The following RBM24 variants were observed in gnomAD, a reference collection of about 807,000 sequenced individuals.
RBM24 encodes RNA binding motif protein 24, also known as RNA-binding protein 24.
RBM24 carries 5 observed loss-of-function variants against 23.6 expected under a neutral mutation model. The observed-to-expected ratio is 0.21, with a 90% CI of 0.11 to 0.45. RBM24 has a LOEUF of 0.45. Ranked by LOEUF, RBM24 falls within the 20% of genes least tolerant of loss-of-function variation. The pLI is 0.99. For missense variants in RBM24, 252 were observed against 314.6 expected (o/e 0.80, Z 1.51); for synonymous variants, 151 against 129.5 (o/e 1.17, Z -1.13).
Position 17,292,158 on chromosome 6 carries a change from C to G in RBM24, c.*39C>G. The G allele has an allele frequency of 6.9e-7, 1 of 1,458,410 alleles. No individual in the cohort carries two copies. The highest frequency in any genetic ancestry group is 9.0e-7 in the Non-Finnish European group (1 of 1,106,672). 90.3% of individuals were successfully genotyped at this position (1,458,410 alleles called of 1,614,324 possible). On this transcript the variant is annotated 3_prime_UTR_variant, in exon 4 of 4. Transcript: ENST00000379052. The stretch of plus-strand genomic sequence containing the variant: ...TCAAAGTTGAATTGTTTTCTCTTTC[C>G]CTCCCAATTTTCCAATTTTTAGTAG...
chr6:17,286,839 G>A (rs180777613), intron 3 of RBM24, among the ~76,000 whole-genome samples: 200 of 152,310 alleles, frequency 1.3e-3, no homozygotes, highest in African/African-American at 4.4e-3. Context: ...TCTAAGGTGG[G>A]TCTTGAGAGC....
At chr6:17,282,775 T>A (rs756333760) in intron 1 of RBM24, 30 bp from the exon 2 acceptor site, 16 of 1,613,472 alleles carry the variant, frequency 9.9e-6, no homozygotes, top group Non-Finnish European at 1.3e-5. Context: ...AGAGGTTATG[T>A]ATGTATGTCT....
rs1434402227 is a variant in RBM24, at chr6:17,292,258, AT to A, written c.*147del. ...CATGCTATTGTGAAGCAGAGTTATT[AT>A]TTTTTTTATACTCCAGGTAGTGTTC... On this transcript the variant is annotated 3_prime_UTR_variant, in exon 4 of 4. Coordinates refer to ENST00000379052, the MANE Select transcript of RBM24 (RefSeq NM_001143942.2). The A allele has an allele frequency of 2.7e-4, 214 of 794,856 alleles. No homozygotes were observed. The highest frequency in any genetic ancestry group is 2.9e-4 in the Non-Finnish European group (160 of 543,300). 49.2% of individuals were successfully genotyped at this position (794,856 alleles called of 1,614,324 possible). A position where few individuals can be genotyped will look rare whatever the true frequency, so the allele number is the denominator to read the frequency against.
At position 17,281,521 on chromosome 6, in the gene RBM24, GCGCAGCCGCTGCCCGAGC is replaced by G. The variant is rs1760012050; in HGVS notation, c.-51_-34del. The G allele has an allele frequency of 1.4e-6, 2 of 1,418,116 alleles. No homozygotes were observed. The highest frequency in any genetic ancestry group is 1.5e-5 in the African/African-American group (1 of 65,842). 87.8% of individuals were successfully genotyped at this position (1,418,116 alleles called of 1,614,324 possible). On this transcript the variant is annotated 5_prime_UTR_variant, in exon 1 of 4. Coordinates refer to ENST00000379052, the MANE Select transcript of RBM24 (RefSeq NM_001143942.2). This position sits in a 1 kb window ranked among gnomAD's most constrained non-coding sequence, Gnocchi z 7.1. ...GGGAGACGCGGAGCCGGAGGAGGAG[GCGCAGCCGCTGCCCGAGC>G]CGCAGCCGCAGCCGGAGCCCGAGCC... is the stretch of plus-strand genomic sequence containing the variant.
In RBM24 at chr6:17,281,477, G is replaced by T; in HGVS notation, c.-105G>T. The T allele has an allele frequency of 3.7e-6, 4 of 1,067,024 alleles. No individual in the cohort carries two copies. The highest frequency in any genetic ancestry group is 2.7e-5 in the South Asian group (1 of 37,332). 66.1% of individuals were successfully genotyped at this position (1,067,024 alleles called of 1,614,324 possible). ...GCCCCCGGGCTCGCCCTTGGCCCCC[G>T]GCGGCCGCGAAAGGGTGCGGGAGAC... On this transcript the variant is annotated 5_prime_UTR_variant, in exon 1 of 4. Coordinates refer to ENST00000379052, the MANE Select transcript of RBM24 (RefSeq NM_001143942.2). The surrounding 1 kb of genome is among the most constrained non-coding windows in gnomAD (Gnocchi z 7.1).
Position 17,281,793 on chromosome 6 carries a change from G to A in RBM24, c.168+44G>A. The A allele has an allele frequency of 6.5e-7, 1 of 1,540,734 alleles. No homozygotes were observed. The highest frequency in any genetic ancestry group is 8.8e-7 in the Non-Finnish European group (1 of 1,141,330). On this transcript the variant is annotated intron_variant, in intron 1 of 3. Coordinates refer to ENST00000379052, the MANE Select transcript of RBM24 (RefSeq NM_001143942.2). The surrounding 1 kb of genome is among the most constrained non-coding windows in gnomAD (Gnocchi z 7.1). ...GGGTGACGGGGAGGGACGGAGTGGC[G>A]GCTGACCCCGGGGATCGGGAGCTTG...
intron 3 of RBM24, chr6:17,289,315 A>G (rs1179575679): frequency 4.1e-6 from 4 of 985,400 alleles, no homozygotes; most frequent in Admixed American, 6.1e-5. Context: ...AGGCTCTCCA[A>G]GGTCTTTCGG....
intron 3 of RBM24, among the ~76,000 whole-genome samples, chr6:17,287,430 T>G (rs1016347749): frequency 3.9e-5 from 6 of 152,124 alleles, no homozygotes; most frequent in African/African-American, 1.4e-4. Flanking sequence ...CTAAACAATA[T>G]TTTATAGTTT....
Position 17,281,447 on chromosome 6 carries a change from C to T in RBM24, c.-135C>T, listed in dbSNP as rs949688104. 1.4e-5 allele frequency: 8 copies of T among 585,668 alleles called. No individual in the cohort carries two copies. Among genetic ancestry groups the T allele is most frequent in the African/African-American group, 1.2e-4 (6 of 49,394 alleles). The allele number at this position is 585,668 out of a possible 1,614,324, so 36.3% of individuals were successfully genotyped here. On this transcript the variant is annotated 5_prime_UTR_variant, in exon 1 of 4. Coordinates refer to ENST00000379052, the MANE Select transcript of RBM24 (RefSeq NM_001143942.2). This position sits in a 1 kb window ranked among gnomAD's most constrained non-coding sequence, Gnocchi z 7.1. ...GCCGCTCGCCCCCGCCGCGCCGCCG[C>T]CCTCGCCCCCGGGCTCGCCCTTGGC...
Position 17,281,784 on chromosome 6 carries a change from C to T in RBM24, c.168+35C>T. 6.5e-7 allele frequency: 1 copy of T among 1,542,954 alleles called. No homozygotes were observed. On this transcript the variant is annotated intron_variant, in intron 1 of 3. Coordinates refer to ENST00000379052, the MANE Select transcript of RBM24 (RefSeq NM_001143942.2). This position sits in a 1 kb window ranked among gnomAD's most constrained non-coding sequence, Gnocchi z 7.1. ...ACGGACTGGGGGTGACGGGGAGGGA[C>T]GGAGTGGCGGCTGACCCCGGGGATC...
chr6:17,282,326 C>CA, intron 1 of RBM24: 1 of 1,074,414 alleles, frequency 9.3e-7, no homozygotes, highest in South Asian at 1.3e-5. Flanking sequence ...TGCCGAAGAG[C>CA]AGGGAGCCCC....
chr6:17,282,704 C>A (rs1022864593), intron 1 of RBM24, 101 bp from the exon 2 acceptor site: 4 of 1,394,416 alleles, frequency 2.9e-6, no homozygotes, highest in Non-Finnish European at 3.8e-6. Flanking sequence ...AAAGTTTGAT[C>A]TCAGTTTTAT....
chr6:17,286,187 AT>A (rs11437494), intron 3 of RBM24, among the ~76,000 whole-genome samples: 209 of 132,664 alleles, frequency 1.6e-3, no homozygotes, highest in African/African-American at 2.9e-3. Flanking sequence ...AACTACTACT[AT>A]TTTTTTTTTT....
intron 3 of RBM24, chr6:17,288,818 CA>C (rs1480979967): frequency 3.0e-6 from 3 of 985,280 alleles, no homozygotes; most frequent in Admixed American, 6.1e-5. Context: ...GAGCCAGGGG[CA>C]GTCTGGATGT....
chr6:17,288,025 A>G (rs1760247935), intron 3 of RBM24: 1 of 153,452 alleles, frequency 6.5e-6, no homozygotes, highest in Non-Finnish European at 1.4e-5. Context: ...AGGGATTTAC[A>G]TAAATTACAT....
At chr6:17,284,422 C>T (rs1760131396) in intron 2 of RBM24, among the ~76,000 whole-genome samples, 1 of 152,288 alleles carries the variant, frequency 6.6e-6, no homozygotes, top group South Asian at 2.1e-4. Context: ...TGTCTGTCAA[C>T]TAAAATTTGC....
rs1760014038 is a variant in RBM24 at position 17,281,596 on chromosome 6, G to A, written c.15G>A (p.Gln5=). The A allele has an allele frequency of 6.5e-7, 1 of 1,546,420 alleles. No individual in the cohort carries two copies. Among genetic ancestry groups the A allele is most frequent in the Non-Finnish European group, 8.7e-7 (1 of 1,145,490 alleles). The part of the protein sequence containing the change: MHTT[Q]KDTTYTKIFV... ...CGGGTGCGAAGATGCACACGACCCAGAAGGACACGACGTACACCAAGATCT... is the reference window on the plus strand; with the variant it reads ...CGGGTGCGAAGATGCACACGACCCAAAAGGACACGACGTACACCAAGATCT... Residue 5 remains glutamine, a synonymous_variant, in exon 1 of 4, where the codon CAG becomes CAA. Coordinates refer to ENST00000379052, the MANE Select transcript of RBM24 (RefSeq NM_001143942.2). The surrounding 1 kb of genome is among the most constrained non-coding windows in gnomAD (Gnocchi z 7.1).
Position 17,292,920 on chromosome 6 carries a change from T to G in RBM24, c.*801T>G. 1 of 152,464 alleles carries G rather than the reference T, an allele frequency of 6.6e-6. No individual in the cohort carries two copies. Among genetic ancestry groups the G allele is most frequent in the East Asian group, 1.9e-4 (1 of 5,194 alleles). 9.4% of individuals were successfully genotyped at this position (152,464 alleles called of 1,614,324 possible). On this transcript the variant is annotated 3_prime_UTR_variant, in exon 4 of 4. Coordinates refer to ENST00000379052, the MANE Select transcript of RBM24 (RefSeq NM_001143942.2). ...ATTTTGGGAAACTTGTATCTGCTGG[T>G]GTCAGCAATTCTGATTCTGAAATAG...
chr6:17,288,443 A>T (rs1171880929), intron 3 of RBM24: 2 of 983,950 alleles, frequency 2.0e-6, no homozygotes, highest in Non-Finnish European at 2.4e-6. Context: ...GGCATTGTAG[A>T]CTCTCTCCAC....
Sources: allele counts gnomAD v4.1 joint callset (sites outside exome capture counted in the v4.1 genomes callset), GRCh38; gene constraint gnomAD v4.1.1; non-coding constraint Gnocchi (gnomAD v3.1); transcripts MANE v1.5; gene names NCBI Gene and HGNC (gene_info 2026-07-23, HGNC 2026-07-21).